Variants in FOXK2 observed in about 807,000 individuals in gnomAD.
FOXK2 encodes forkhead box protein K2.
Under a neutral mutation model 53.3 loss-of-function variants are expected in FOXK2, and 24 were observed. The observed-to-expected ratio is 0.45, with a 90% CI of 0.33 to 0.63. FOXK2 has a LOEUF of 0.63. Among genes scored for constraint, FOXK2 ranks in the 30% least tolerant of loss-of-function variants. The probability of loss-of-function intolerance (pLI) is 0.03; values close to 1 mark genes in which losing one functional copy is unlikely to be tolerated. For missense variants in FOXK2, 952 were observed against 910.5 expected (o/e 1.05, Z -0.59); for synonymous variants, 505 against 407.1 (o/e 1.24, Z -2.89).
rs1414650491 is a variant in FOXK2 at position 82,586,112 on chromosome 17, C to G, written c.1488C>G (p.Val496=). The G allele has an allele frequency of 1.2e-6, 2 of 1,612,556 alleles. No individual in the cohort carries two copies. The highest frequency in any genetic ancestry group is 1.3e-5 in the African/African-American group (1 of 74,908). ...TGGCCCCAGCGAACACGTACACTGT[C>G]TCTGGACAAGCTGTGGTCACCCCGG... ...AGLAPANTYT[V]SGQAVVTPAA... is the part of the protein sequence containing the mutation. The change falls in exon 7 of 9, where the codon GTC becomes GTG. Residue 496 remains valine (V), a synonymous_variant. Transcript: ENST00000335255.
intron 4 of FOXK2, among the ~76,000 whole-genome samples, chr17:82,577,021 G>A (rs1237503099): frequency 6.6e-6 from 1 of 152,142 alleles, no homozygotes; most frequent in Non-Finnish European, 1.5e-5. Context: ...TATTAGCGGG[G>A]TGTGGTGGTG....
At chr17:82,538,543 C>T (rs1353244539) in intron 1 of FOXK2, among the ~76,000 whole-genome samples, 1 of 152,222 alleles carries the variant, frequency 6.6e-6, no homozygotes, top group African/African-American at 2.4e-5. Flanking sequence ...CTCGCATTTG[C>T]CTTCGTTGTT....
rs768695342 is a variant in FOXK2 at position 82,520,161 on chromosome 17, TGGC to T, written c.276_278del (p.Gly93del). On this transcript the variant is annotated inframe_deletion, in exon 1 of 9. Coordinates refer to ENST00000335255, the MANE Select transcript of FOXK2 (RefSeq NM_004514.4). ...TCACGCCCCCGGGCGGCGGCGGCCATGGCGGGGCCGCTCCGGAGCTGCCGCCCG... is the reference window on the plus strand; with the variant it reads ...TCACGCCCCCGGGCGGCGGCGGCCATGGGGCCGCTCCGGAGCTGCCGCCCG... The T allele has an allele frequency of 1.2e-4, 180 of 1,506,426 alleles. No individual in the cohort carries two copies. Among genetic ancestry groups the T allele is most frequent in the South Asian group, 6.3e-5 (5 of 79,318 alleles). The allele number at this position is 1,506,426 out of a possible 1,614,324, so 93.3% of individuals were successfully genotyped here.
chr17:82,531,587 A>G (rs2144052354), intron 1 of FOXK2, among the ~76,000 whole-genome samples: 1 of 152,328 alleles, frequency 6.6e-6, no homozygotes, highest in Non-Finnish European at 1.5e-5. Flanking sequence ...CTACAGCCAC[A>G]TGCTGCACAA....
intron 1 of FOXK2, among the ~76,000 whole-genome samples, chr17:82,526,191 A>G (rs2044417095): frequency 6.6e-6 from 1 of 152,182 alleles, no homozygotes; most frequent in Admixed American, 6.5e-5. Flanking sequence ...AAATGAATTG[A>G]GGGAACTCAC....
intron 1 of FOXK2, among the ~76,000 whole-genome samples, chr17:82,539,664 T>TA (rs966545322): frequency 7.0e-6 from 1 of 143,200 alleles, no homozygotes; most frequent in African/African-American, 2.6e-5. Flanking sequence ...AAAAATTAAT[T>TA]AAAAAATATA....
intron 1 of FOXK2, among the ~76,000 whole-genome samples, 195 bp downstream of exon 1, chr17:82,520,502 C>T (rs1380737050): frequency 1.3e-5 from 2 of 151,422 alleles, no homozygotes; most frequent in Non-Finnish European, 2.9e-5. Context: ...CCCGTCCTCC[C>T]GGTCCCCTTC....
At chr17:82,534,082 A>G (rs535758547) in intron 1 of FOXK2, among the ~76,000 whole-genome samples, 1 of 151,932 alleles carries the variant, frequency 6.6e-6, no homozygotes, top group East Asian at 1.9e-4. Flanking sequence ...CTCAAAAAAA[A>G]AAAAAAAGAG....
intron 1 of FOXK2, among the ~76,000 whole-genome samples, chr17:82,563,047 T>C (rs2044814242): frequency 6.6e-6 from 1 of 152,172 alleles, no homozygotes; most frequent in Admixed American, 6.5e-5. Flanking sequence ...ACCCAAGTCA[T>C]CGGCCTGCCT....
chr17:82,586,916 AT>A, intron 7 of FOXK2, 146 bp from the exon 8 acceptor site: 6 of 757,744 alleles, frequency 7.9e-6, no homozygotes, highest in Non-Finnish European at 1.3e-5. Context: ...CAAAAAAAAG[AT>A]TTGCTCATCT....
chr17:82,585,237 T>C (rs935133929), intron 6 of FOXK2: 1 of 152,226 alleles, frequency 6.6e-6, no homozygotes, highest in African/African-American at 2.4e-5. Flanking sequence ...TCTGCTTCCC[T>C]TCCACTCGTT....
chr17:82,593,130 C>A (rs191968711), intron 8 of FOXK2, among the ~76,000 whole-genome samples: 67 of 114,904 alleles, frequency 5.8e-4, no homozygotes, highest in African/African-American at 2.3e-3. Flanking sequence ...AAGCAGACCC[C>A]GTGAAGGTCT....
rs538535212 is a variant in FOXK2, at chr17:82,555,222, G to A, written c.420-8132G>A. Among the ~76,000 whole-genome samples the A allele has an allele frequency of 2.2e-4, 34 of 152,296 alleles. No homozygotes were observed. The South Asian group carries it at 6.6e-3, about 30-fold the overall frequency. ...AGGGAAGAGGCACCTCAGGCCTTGGGAAGTCAGGGGCCCTTCTAGCCAAGA... is the reference window on the plus strand; with the variant it reads ...AGGGAAGAGGCACCTCAGGCCTTGGAAAGTCAGGGGCCCTTCTAGCCAAGA... On this transcript the variant is annotated intron_variant, in intron 1 of 8. Coordinates refer to ENST00000335255, the MANE Select transcript of FOXK2 (RefSeq NM_004514.4).
rs141155337 is a variant in FOXK2, at chr17:82,587,767, G to A, written c.1786+495G>A. Reference sequence around the variant, plus strand: ...ACACCAGAACCTCCGCGCCGACACCGGGTTATCTACCTTCGCCCTGCCCTG... The same window carrying A: ...ACACCAGAACCTCCGCGCCGACACCAGGTTATCTACCTTCGCCCTGCCCTG... On this transcript the variant is annotated intron_variant, in intron 8 of 8. Transcript: ENST00000335255. 3.6e-3 allele frequency among the ~76,000 whole-genome samples: 548 copies of A among 152,332 alleles called. 1 individual carries two copies. Among genetic ancestry groups the A allele is most frequent in the Non-Finnish European group, 5.5e-3 (371 of 68,038 alleles).
chr17:82,576,970 A>T, intron 4 of FOXK2: 1 of 389,844 alleles, frequency 2.6e-6, no homozygotes, highest in South Asian at 2.7e-5. Flanking sequence ...AGACCAGATG[A>T]CCAACACGGA....
chr17:82,540,871 C>A (rs1174493764), intron 1 of FOXK2, among the ~76,000 whole-genome samples: 1 of 152,184 alleles, frequency 6.6e-6, no homozygotes, highest in Admixed American at 6.5e-5. Context: ...CACACCTGGG[C>A]TTGTTGAACA....
intron 8 of FOXK2, among the ~76,000 whole-genome samples, chr17:82,590,983 C>T (rs749490902): frequency 1.3e-5 from 2 of 152,196 alleles, no homozygotes; most frequent in Non-Finnish European, 2.9e-5. Context: ...CAGCCTGGGC[C>T]GGTTCTGCCT....
At position 82,586,151 on chromosome 17, in the gene FOXK2, C is replaced by T. The variant is rs1435160222; in HGVS notation, c.1527C>T (p.Ala509=). 3.1e-6 allele frequency: 5 copies of T among 1,612,080 alleles called. No individual in the cohort carries two copies. Among genetic ancestry groups the T allele is most frequent in the Non-Finnish European group, 2.5e-6 (3 of 1,179,858 alleles). ...QAVVTPAAVL[A]PPKAEAQENG... Reference sequence around the variant, plus strand: ...TGGTCACCCCGGCAGCCGTGCTGGCCCCTCCTAAGGCAGAGGCCCAGGAGA... The same window carrying T: ...TGGTCACCCCGGCAGCCGTGCTGGCTCCTCCTAAGGCAGAGGCCCAGGAGA... The change falls in exon 7 of 9, where the codon GCC becomes GCT. Residue 509 remains alanine, a synonymous_variant. Transcript: ENST00000335255.
rs189823836 is a variant in FOXK2 at position 82,577,211 on chromosome 17, T to G, written c.909+5341T>G. ...AATGTATTCATTAAAAATAGGTGTG[T>G]AGGTGAGTTTATTCTCTTCCGTGTC... On this transcript the variant is annotated intron_variant, in intron 4 of 8. Coordinates refer to ENST00000335255, the MANE Select transcript of FOXK2 (RefSeq NM_004514.4). The G allele has an allele frequency of 4.4e-6, 5 of 1,138,700 alleles. No individual in the cohort carries two copies. The African/African-American group carries it at 6.3e-5, about 14-fold the overall frequency. The allele number at this position is 1,138,700 out of a possible 1,614,324, so 70.5% of individuals were successfully genotyped here.
Sources: allele counts gnomAD v4.1 joint callset (sites outside exome capture counted in the v4.1 genomes callset), GRCh38; gene constraint gnomAD v4.1.1; transcripts MANE v1.5; gene names NCBI Gene and HGNC (gene_info 2026-07-23, HGNC 2026-07-21).